The following ARHGAP29 variants were observed in gnomAD, a reference collection of about 807,000 sequenced individuals.
ARHGAP29 encodes the protein Rho GTPase activating protein 29, also known as rho GTPase-activating protein 29.
Under a neutral mutation model 122.6 loss-of-function variants are expected in ARHGAP29, and 43 were observed. That is an observed-to-expected ratio of 0.35 (90% confidence interval 0.27 to 0.45). ARHGAP29 has a LOEUF of 0.45. ARHGAP29 is among the 20% of genes least tolerant of loss of function. The pLI is 1.00. For synonymous variants in ARHGAP29, 506 were observed against 497.1 expected, an observed-to-expected ratio of 1.02 and a Z score of -0.24; for missense variants, 1,303 against 1,477.2, an observed-to-expected ratio of 0.88 and a Z score of 1.93.
Position 94,173,907 on chromosome 1 carries a change from A to T in ARHGAP29, c.3748T>A (p.Phe1250Ile). 6.2e-7 allele frequency: 1 copy of T among 1,610,598 alleles called. No homozygotes were observed. The change falls in exon 23 of 23, where the codon TTT (phenylalanine) becomes ATT (isoleucine). Residue 1250 changes from phenylalanine to isoleucine, a missense_variant. Transcript: ENST00000260526. ...QRPRLKRMQQ[F>I]EDLEGEIPQF... ...GGAATTTCACCTTCGAGGTCTTCAA[A>T]CTGTTGCATTCGTTTTAGCCTTGGT...
chr1:94,275,821 T>G (rs1374766756), upstream of ARHGAP29, among the ~76,000 whole-genome samples: 1 of 152,212 alleles, frequency 6.6e-6, no homozygotes, highest in Non-Finnish European at 1.5e-5. Context: ...TTCTTGATTA[T>G]GCTTTAAAAA....
chr1:94,222,104 T>C (rs1557872239), intron 2 of ARHGAP29, among the ~76,000 whole-genome samples: 1 of 151,946 alleles, frequency 6.6e-6, no homozygotes. Flanking sequence ...ACAAATAAAG[T>C]AGTATTGGAT....
chr1:94,200,286 T>C (rs1434341031), intron 12 of ARHGAP29, among the ~76,000 whole-genome samples: 1 of 152,158 alleles, frequency 6.6e-6, no homozygotes, highest in Non-Finnish European at 1.5e-5. Flanking sequence ...AGATTGTCAA[T>C]AAGCCTTTGA....
the ARHGAP29 span, among the ~76,000 whole-genome samples, chr1:94,304,469 A>G: frequency 6.6e-6 from 1 of 152,116 alleles, no homozygotes; most frequent in Admixed American, 6.6e-5. Context: ...TCAACTCAAG[A>G]CTCAGCTCCT....
chr1:94,253,575 A>T (rs1654200824), intron 1 of ARHGAP29, among the ~76,000 whole-genome samples: 1 of 152,192 alleles, frequency 6.6e-6, no homozygotes, highest in Non-Finnish European at 1.5e-5. Flanking sequence ...CTTAACATAC[A>T]ACCAGTGAGG....
At chr1:94,254,242 A>G (rs1055953988) in intron 1 of ARHGAP29, among the ~76,000 whole-genome samples, 2 of 152,164 alleles carry the variant, frequency 1.3e-5, no homozygotes, top group African/African-American at 4.8e-5. Context: ...CTTCTTGATG[A>G]CGTATTTAGT....
intron 1 of ARHGAP29, among the ~76,000 whole-genome samples, chr1:94,259,687 G>T (rs1182947256): frequency 6.6e-6 from 1 of 152,212 alleles, no homozygotes; most frequent in East Asian, 1.9e-4. Context: ...CATCTCTAGG[G>T]ACTACAGAGG....
intron 18 of ARHGAP29, 37 bp from the exon 19 acceptor site, chr1:94,184,325 CTT>C: frequency 6.6e-7 from 1 of 1,518,804 alleles, no homozygotes; most frequent in Non-Finnish European, 9.0e-7. Context: ...CAAAATTCTT[CTT>C]TAGTACAAAT....
chr1:94,196,937 G>C (rs1002063624), intron 12 of ARHGAP29, among the ~76,000 whole-genome samples: 2 of 152,006 alleles, frequency 1.3e-5, no homozygotes, highest in Non-Finnish European at 2.9e-5. Flanking sequence ...GCACAGGAAG[G>C]TCTCAATAAA....
chr1:94,188,844 T>C lies in ARHGAP29; in HGVS notation c.1674A>G (p.Ile558Met). 1 of 1,612,092 alleles carries C rather than the reference T, an allele frequency of 6.2e-7. No homozygotes were observed. ...ACTTAAATATAGATGTACCTGGACT[T>C]ATAGATTCTGAATCCAGAGATCTAG... Reference protein sequence around the residue: ...SESRSLDSESISPGDFHRKLP... With the variant: ...SESRSLDSESMSPGDFHRKLP... The change falls in exon 15 of 23, where the codon ATA becomes ATG. Residue 558 changes from isoleucine to methionine, a missense_variant. Physicochemically the swap from Ile to Met is conservative, Grantham distance 10. This residue lies in a region of ARHGAP29 where 592 missense variants were observed against 648.2 expected (regional missense o/e 0.91). Transcript: ENST00000260526.
rs1652912628 is a variant in ARHGAP29, at chr1:94,231,441, G to A, written c.171C>T (p.His57=). Residue 57 remains histidine, a synonymous_variant, in exon 2 of 23, where the codon CAC becomes CAT. Coordinates refer to ENST00000260526, the MANE Select transcript of ARHGAP29 (RefSeq NM_004815.4). ...TGGCTTCTTTCAAATATAGTAACAT[G>A]TGGGAGAACTTCCTGATATCATTCA... is the stretch of plus-strand genomic sequence containing the variant. ...ELVNDIRKFS[H]MLLYLKEAIF... is the part of the protein sequence containing the mutation. 5 of 1,613,534 alleles carry A rather than the reference G, an allele frequency of 3.1e-6. No individual in the cohort carries two copies. The highest frequency in any genetic ancestry group is 1.1e-5 in the South Asian group (1 of 91,062).
intron 22 of ARHGAP29, among the ~76,000 whole-genome samples, chr1:94,174,985 CA>C (rs200284492): frequency 1.3e-5 from 2 of 151,592 alleles, no homozygotes; most frequent in Admixed American, 1.3e-4. Flanking sequence ...CTACAAAACA[CA>C]AAAAAAACAC....
chr1:94,219,343 T>TCTCA (rs1431550393), intron 3 of ARHGAP29, among the ~76,000 whole-genome samples: 2 of 152,134 alleles, frequency 1.3e-5, no homozygotes, highest in African/African-American at 4.8e-5. Context: ...GTCCCTGGGA[T>TCTCA]CTCACATCAG....
rs2101515878 is a variant in ARHGAP29, at chr1:94,203,932, G to T, written c.760C>A (p.Gln254Lys). 5 of 1,613,490 alleles carry T rather than the reference G, an allele frequency of 3.1e-6. No homozygotes were observed. Among genetic ancestry groups the T allele is most frequent in the Middle Eastern group, 3.3e-4 (2 of 6,060 alleles). ...AEATRTNIGI[Q>K]EFMPLQSLFT... Reference sequence around the variant, plus strand: ...CCCGAAGTTCACAGAACACTTACCTGAATTCCAATGTTAGTTCTAGTTGCC... The same window carrying T: ...CCCGAAGTTCACAGAACACTTACCTTAATTCCAATGTTAGTTCTAGTTGCC... The change falls in exon 8 of 23, where the codon CAG (glutamine) becomes AAG (lysine). Residue 254 changes from glutamine (Q) to lysine (K), a missense_variant and splice_region_variant. Gln to Lys is a moderately conservative substitution (Grantham distance 53, BLOSUM62 1). Coordinates refer to ENST00000260526, the MANE Select transcript of ARHGAP29 (RefSeq NM_004815.4).
At chr1:94,189,183 TA>T in intron 14 of ARHGAP29, 32 bp downstream of exon 14, 1 of 1,568,498 alleles carries the variant, frequency 6.4e-7, no homozygotes, top group East Asian at 2.3e-5. Flanking sequence ...TGACCTTTTA[TA>T]AATTAGCACT....
the ARHGAP29 span, among the ~76,000 whole-genome samples, chr1:94,288,419 T>G: frequency 6.6e-6 from 1 of 152,228 alleles, no homozygotes; most frequent in Non-Finnish European, 1.5e-5. Flanking sequence ...ATGGGTAGAT[T>G]GCAAAAATTT....
the ARHGAP29 span, among the ~76,000 whole-genome samples, chr1:94,292,695 C>T: frequency 6.6e-6 from 1 of 152,146 alleles, no homozygotes; most frequent in African/African-American, 2.4e-5. Flanking sequence ...GTTAGTTTTC[C>T]TTCTAACAGA....
chr1:94,189,011 A>G, intron 14 of ARHGAP29, 70 bp from the exon 15 acceptor site: 2 of 1,470,544 alleles, frequency 1.4e-6, no homozygotes, highest in Middle Eastern at 1.8e-4. Flanking sequence ...CTGACATTCT[A>G]TCAAGTGAGA....
At chr1:94,202,472 G>A (rs774471681) in intron 11 of ARHGAP29, 72 bp downstream of exon 11, 1 of 1,571,606 alleles carries the variant, frequency 6.4e-7, no homozygotes, top group Non-Finnish European at 8.7e-7. Flanking sequence ...GGCAGACGCA[G>A]AACTTTGACA....
Sources: gnomAD v4.1 joint callset for allele counts (sites outside exome capture counted in the v4.1 genomes callset) on GRCh38, gnomAD v4.1.1 for gene constraint, gnomAD v4.1.1 regional missense constraint, MANE v1.5 for transcripts, NCBI Gene and HGNC (gene_info 2026-07-23, HGNC 2026-07-21) for gene names.